The following MAPK10 variants were observed in gnomAD, a reference collection of about 807,000 sequenced individuals.
MAPK10 encodes JNK3 alpha protein kinase.
MAPK10 carries 25 observed loss-of-function variants against 59.3 expected under a neutral mutation model. That is an observed-to-expected ratio of 0.42 (90% CI 0.31 to 0.59). MAPK10 has a LOEUF of 0.59. MAPK10 is among the 20% of genes least tolerant of loss of function. MAPK10 has a pLI of 0.15. For synonymous variants in MAPK10, 190 were observed against 200.5 expected (o/e 0.95, Z 0.44); for missense variants, 351 against 568.9 (o/e 0.62, Z 3.90).
chr4:86,064,598 G>C, intron 10 of MAPK10: 3 of 561,760 alleles, frequency 5.3e-6, no homozygotes, highest in Admixed American at 3.2e-5. Context: ...GGCTCTCCAA[G>C]GGTTGTAACA....
At chr4:86,205,114 C>G (rs568372229) in intron 2 of MAPK10, among the ~76,000 whole-genome samples, 3 of 151,608 alleles carry the variant, frequency 2.0e-5, no homozygotes, top group Admixed American at 2.0e-4. Flanking sequence ...AACACAGAGC[C>G]GTTGAAAGAG....
At chr4:86,555,037 G>T (rs1760148870) in intron 1 of MAPK10, among the ~76,000 whole-genome samples, 1 of 152,160 alleles carries the variant, frequency 6.6e-6, no homozygotes, top group South Asian at 2.1e-4. Context: ...ACTATCCAAA[G>T]TTCATCTTCT....
At chr4:86,067,977 G>C (rs781099906) in intron 9 of MAPK10, 22 bp from the exon 10 acceptor site, 1 of 1,540,488 alleles carries the variant, frequency 6.5e-7, no homozygotes, top group African/African-American at 1.4e-5. Flanking sequence ...ACAGTTAAGG[G>C]AAAAAAGAAG....
intron 2 of MAPK10, among the ~76,000 whole-genome samples, chr4:86,200,432 T>C (rs556443616): frequency 6.6e-6 from 1 of 152,158 alleles, no homozygotes; most frequent in African/African-American, 2.4e-5. Context: ...TTCTGTTTTA[T>C]TGGGCTCTTT....
intron 9 of MAPK10, chr4:86,080,995 A>G (rs1411108090): frequency 6.6e-6 from 1 of 152,032 alleles, no homozygotes; most frequent in Non-Finnish European, 1.5e-5. Context: ...AATGAAAGGT[A>G]TTTACCTTAC....
At chr4:86,244,014 C>T (rs1383237900) in intron 2 of MAPK10, among the ~76,000 whole-genome samples, 1 of 152,046 alleles carries the variant, frequency 6.6e-6, no homozygotes, top group East Asian at 1.9e-4. Flanking sequence ...CACACAATAG[C>T]AACTCAATAA....
chr4:86,059,844 C>T lies in MAPK10; in HGVS notation c.1110+4422G>A, dbSNP rs147546763. Among the ~76,000 whole-genome samples the T allele has an allele frequency of 1.6e-3, 237 of 152,250 alleles. 2 individuals carry two copies. Among genetic ancestry groups the T allele is most frequent in the African/African-American group, 5.4e-3 (224 of 41,554 alleles). On this transcript the variant is annotated intron_variant, in intron 11 of 13. Coordinates refer to ENST00000641462, the MANE Select transcript of MAPK10 (RefSeq NM_138982.4). ...ATTTCCAGGCCTCATTTCCAGCATT[C>T]TCTTCTGGAACTTTCATTTGGCTGC...
chr4:86,514,259 C>T (rs528459651), intron 1 of MAPK10, among the ~76,000 whole-genome samples: 1 of 152,102 alleles, frequency 6.6e-6, no homozygotes, highest in Non-Finnish European at 1.5e-5. Flanking sequence ...TTATCACAAC[C>T]CTACACACAA....
At chr4:86,535,460 C>G (rs939089062) in intron 1 of MAPK10, among the ~76,000 whole-genome samples, 58 of 152,250 alleles carry the variant, frequency 3.8e-4, no homozygotes, top group African/African-American at 1.4e-3. Flanking sequence ...AGCTGGACTG[C>G]GGTGTCGCTA....
chr4:86,070,074 G>A (rs931509811), intron 9 of MAPK10, among the ~76,000 whole-genome samples: 1 of 152,164 alleles, frequency 6.6e-6, no homozygotes, highest in Non-Finnish European at 1.5e-5. Context: ...ATGAAACACT[G>A]TTGTGATTCT....
chr4:86,360,486 A>AT (rs951591774), upstream of MAPK10, among the ~76,000 whole-genome samples: 2 of 152,216 alleles, frequency 1.3e-5, no homozygotes, highest in African/African-American at 4.8e-5. Flanking sequence ...AGAAGCAGGC[A>AT]TTTGAGTGTC....
intron 3 of MAPK10, chr4:86,160,253 A>T (rs1380963194): frequency 1.3e-5 from 2 of 151,942 alleles, no homozygotes; most frequent in Admixed American, 1.3e-4. Flanking sequence ...ATTACCTGTG[A>T]TTATTTATCC....
intron 2 of MAPK10, among the ~76,000 whole-genome samples, chr4:86,230,156 A>G (rs1464046578): frequency 6.6e-6 from 1 of 152,236 alleles, no homozygotes; most frequent in Non-Finnish European, 1.5e-5. Flanking sequence ...GGTACTTCCC[A>G]AACGTTTTTA....
chr4:86,289,970 A>G (rs2095169175), intron 2 of MAPK10, among the ~76,000 whole-genome samples: 1 of 152,166 alleles, frequency 6.6e-6, no homozygotes, highest in African/African-American at 2.4e-5. Context: ...TAGTGAGGCT[A>G]AGAATTGATT....
intron 2 of MAPK10, among the ~76,000 whole-genome samples, chr4:86,299,915 T>TA (rs896245122): frequency 1.3e-5 from 2 of 152,094 alleles, no homozygotes; most frequent in African/African-American, 2.4e-5. Context: ...TTTTTTGAGA[T>TA]AGAGTCTTGC....
At chr4:86,497,923 T>G (rs1263651614) in intron 1 of MAPK10, among the ~76,000 whole-genome samples, 1 of 152,192 alleles carries the variant, frequency 6.6e-6, no homozygotes, top group African/African-American at 2.4e-5. Flanking sequence ...ATGGATGGAT[T>G]TTCCATGAGC....
intron 2 of MAPK10, among the ~76,000 whole-genome samples, chr4:86,269,954 T>C (rs920798289): frequency 6.6e-6 from 1 of 152,136 alleles, no homozygotes; most frequent in Non-Finnish European, 1.5e-5. Flanking sequence ...TTCCTGTGAA[T>C]TGTATATTAT....
chr4:86,116,837 A>G (rs1387159333), intron 4 of MAPK10, among the ~76,000 whole-genome samples: 1 of 152,248 alleles, frequency 6.6e-6, no homozygotes, highest in Non-Finnish European at 1.5e-5. Flanking sequence ...TAATGTATAA[A>G]TAGTGCCTCA....
intron 2 of MAPK10, among the ~76,000 whole-genome samples, chr4:86,230,553 A>C (rs1271895257): frequency 6.6e-6 from 1 of 152,220 alleles, no homozygotes; most frequent in Non-Finnish European, 1.5e-5. Flanking sequence ...TTCTGGAATT[A>C]TTGATCTATA....
Sources: allele counts gnomAD v4.1 joint callset (sites outside exome capture counted in the v4.1 genomes callset), GRCh38; gene constraint gnomAD v4.1.1; transcripts MANE v1.5; gene names NCBI Gene and HGNC (gene_info 2026-07-23, HGNC 2026-07-21).